TRMT11: variants seen among roughly 807,000 people sequenced by gnomAD.
TRMT11 encodes tRNA methyltransferase 11.
Under a neutral mutation model 62.8 loss-of-function variants are expected in TRMT11, and 53 were observed. That is an observed-to-expected ratio of 0.84 (90% CI 0.68 to 1.06). The LOEUF is 1.06. Ranked by LOEUF, TRMT11 falls within the 50% of genes least tolerant of loss-of-function variation. The probability of loss-of-function intolerance (pLI) is 0.00; values close to 1 mark genes in which losing one functional copy is unlikely to be tolerated. For synonymous variants in TRMT11, 188 were observed against 190.3 expected (o/e 0.99, Z 0.10); for missense variants, 556 against 553.4 (o/e 1.00, Z -0.05).
At chr6:126,149,992 TC>T (rs1233837737) in intron 21 of TRMT11, among the ~76,000 whole-genome samples, 2 of 152,220 alleles carry the variant, frequency 1.3e-5, no homozygotes, top group African/African-American at 4.8e-5. Context: ...TGACTTGAAT[TC>T]TTTTTCCCTC....
At chr6:126,181,879 G>A (rs565413638) in intron 1 of TRMT11, among the ~76,000 whole-genome samples, 1 of 152,202 alleles carries the variant, frequency 6.6e-6, no homozygotes, top group South Asian at 2.1e-4. Context: ...TTATTTTAAT[G>A]GCTTTTTGTT....
intron 17 of TRMT11, among the ~76,000 whole-genome samples, chr6:126,064,513 A>G (rs1161474112): frequency 6.6e-6 from 1 of 152,180 alleles, no homozygotes; most frequent in African/African-American, 2.4e-5. Context: ...ACTGACTTGC[A>G]TTCTGAACTG....
chr6:126,088,219 C>CAG lies in TRMT11; in HGVS notation c.*1438-24645_*1438-24644dup, dbSNP rs200499320. ...AGTTAAATTGAATTAAATTTTATGA[C>CAG]AGATTATTTTCCTCTTTCAAAACTA... On this transcript the variant is annotated intron_variant and NMD_transcript_variant, in intron 17 of 22. Transcript: ENST00000648977. Among the ~76,000 whole-genome samples the CAG allele has an allele frequency of 3.1e-3, 470 of 152,132 alleles. 3 individuals are homozygous for CAG. The highest frequency in any genetic ancestry group is 0.011 in the African/African-American group (438 of 41,508).
At chr6:126,258,956 C>T in the TRMT11 span, among the ~76,000 whole-genome samples, 9 of 152,176 alleles carry the variant, frequency 5.9e-5, no homozygotes, top group Admixed American at 2.0e-4. Flanking sequence ...GCTATTTTTC[C>T]GGATCCTCTG....
the TRMT11 span, among the ~76,000 whole-genome samples, chr6:126,257,269 A>G: frequency 2.0e-5 from 3 of 151,780 alleles, no homozygotes; most frequent in South Asian, 2.1e-4. Flanking sequence ...TTTTCATTTT[A>G]TCTTTCTTTC....
intron 17 of TRMT11, among the ~76,000 whole-genome samples, chr6:126,060,518 T>A (rs1452400268): frequency 6.6e-6 from 1 of 152,088 alleles, no homozygotes; most frequent in Non-Finnish European, 1.5e-5. Context: ...CTGCCCTCTC[T>A]CCAGAGAGAA....
chr6:126,244,353 G>T, the TRMT11 span, among the ~76,000 whole-genome samples: 1 of 152,088 alleles, frequency 6.6e-6, no homozygotes, highest in Non-Finnish European at 1.5e-5. Context: ...ATTTTTCTGA[G>T]AGTTGTTTGT....
intron 16 of TRMT11, among the ~76,000 whole-genome samples, chr6:126,048,765 A>G (rs186695055): frequency 2.0e-5 from 3 of 152,310 alleles, no homozygotes; most frequent in Admixed American, 2.0e-4. Context: ...GGTAAGGACG[A>G]ACACACTGCA....
At chr6:126,007,463 C>T (rs1793530010) in intron 7 of TRMT11, among the ~76,000 whole-genome samples, 1 of 151,960 alleles carries the variant, frequency 6.6e-6, no homozygotes. Flanking sequence ...GCTTGACTAG[C>T]AGGCCTTCCT....
Position 125,988,830 on chromosome 6 carries a change from TA to T in TRMT11, c.72+2209del, listed in dbSNP as rs1454472449. ...TCAGTTGTGTTTAACTCATTGGCCT[TA>T]GGAGTCATGAAGGAAGATTGTGGCA... On this transcript the variant is annotated intron_variant, in intron 1 of 12. Transcript: ENST00000334379. 1.3e-3 allele frequency among the ~76,000 whole-genome samples: 200 copies of T among 152,322 alleles called. 1 individual carries two copies. Among genetic ancestry groups the T allele is most frequent in the African/African-American group, 4.6e-3 (193 of 41,564 alleles).
rs1003878261 is a variant in TRMT11, at chr6:126,158,277, A to G, written c.*1824-16548A>G. ...TTTCCCTGTGCTTTTTCTGTCGAAC[A>G]CCTGGACTGTTTGACCTGTAAAGTT... On this transcript the variant is annotated intron_variant and NMD_transcript_variant, in intron 21 of 22. Coordinates refer to the TRMT11 transcript ENST00000648977. 2.6e-5 allele frequency among the ~76,000 whole-genome samples: 4 copies of G among 152,276 alleles called. No individual in the cohort carries two copies. In the South Asian group the frequency reaches 8.3e-4, roughly 32 times the overall value.
At chr6:126,170,346 C>T (rs1778316622) in intron 21 of TRMT11, among the ~76,000 whole-genome samples, 1 of 152,164 alleles carries the variant, frequency 6.6e-6, no homozygotes, top group African/African-American at 2.4e-5. Context: ...ACTAACTTTA[C>T]ACTATGAGTT....
At chr6:126,194,551 C>T (rs959177437) in intron 1 of TRMT11, among the ~76,000 whole-genome samples, 2 of 152,076 alleles carry the variant, frequency 1.3e-5, no homozygotes, top group African/African-American at 4.8e-5. Flanking sequence ...GAATGGACTA[C>T]CAAACTTTGG....
At chr6:126,242,978 A>G in the TRMT11 span, among the ~76,000 whole-genome samples, 2 of 152,214 alleles carry the variant, frequency 1.3e-5, no homozygotes, top group Non-Finnish European at 2.9e-5. Flanking sequence ...AAAAGAAACT[A>G]CCATCAGAGT....
intron 17 of TRMT11, among the ~76,000 whole-genome samples, chr6:126,079,284 C>T (rs1169823928): frequency 6.6e-6 from 1 of 152,070 alleles, no homozygotes; most frequent in Non-Finnish European, 1.5e-5. Flanking sequence ...ACAATTGGCT[C>T]ATGAAACTTC....
In TRMT11 at chr6:126,084,370, A is replaced by G. The variant is rs181057594; in HGVS notation, c.*1438-28496A>G. Among the ~76,000 whole-genome samples the G allele has an allele frequency of 9.2e-5, 14 of 152,206 alleles. 1 individual carries two copies. The highest frequency in any genetic ancestry group is 8.5e-4 in the Admixed American group (13 of 15,276). On this transcript the variant is annotated intron_variant and NMD_transcript_variant, in intron 17 of 22. Coordinates refer to the TRMT11 transcript ENST00000648977. ...ATGTTGAGCACCTTTTCATACACCC[A>G]TTGGCTATTTTTATGTCTTCTTTGG...
chr6:126,244,719 C>T, the TRMT11 span, among the ~76,000 whole-genome samples: 1 of 152,180 alleles, frequency 6.6e-6, no homozygotes, highest in Non-Finnish European at 1.5e-5. Context: ...AGTTTTGTTA[C>T]TAAATTTTTT....
intron 11 of TRMT11, among the ~76,000 whole-genome samples, chr6:126,016,765 A>G (rs1040902226): frequency 6.6e-5 from 10 of 151,802 alleles, no homozygotes; most frequent in African/African-American, 2.4e-4. Context: ...CGTGTCTAAC[A>G]CATGTGGGAA....
At chr6:126,094,259 G>A (rs1053990302) in intron 17 of TRMT11, among the ~76,000 whole-genome samples, 6 of 152,144 alleles carry the variant, frequency 3.9e-5, no homozygotes, top group African/African-American at 1.4e-4. Context: ...TTAGAGCATG[G>A]TAGTATCCTT....
Sources: allele counts gnomAD v4.1 joint callset (sites outside exome capture counted in the v4.1 genomes callset), GRCh38; gene constraint gnomAD v4.1.1; transcripts MANE v1.5; gene names NCBI Gene and HGNC (gene_info 2026-07-23, HGNC 2026-07-21).